C20orf96: variants seen among roughly 807,000 people sequenced by gnomAD.
C20orf96 encodes chromosome 20 open reading frame 96, also known as uncharacterized protein C20orf96.
C20orf96 carries 57 observed loss-of-function variants against 52.6 expected under a neutral mutation model. That is an observed-to-expected ratio of 1.08 (90% confidence interval 0.88 to 1.35). The LOEUF is 1.35. Among genes scored for constraint, C20orf96 ranks in the 40% most tolerant of loss-of-function variants. The probability of loss-of-function intolerance (pLI) is 0.00; values close to 1 mark genes in which losing one functional copy is unlikely to be tolerated. For missense variants in C20orf96, 478 were observed against 443.6 expected, an observed-to-expected ratio of 1.08 and a Z score of -0.70; for synonymous variants, 168 against 157.2, an observed-to-expected ratio of 1.07 and a Z score of -0.51.
chr20:272,259 T>C (rs2011865500), intron 10 of C20orf96, among the ~76,000 whole-genome samples: 2 of 152,096 alleles, frequency 1.3e-5, no homozygotes. Flanking sequence ...CCAGCCAATA[T>C]CTGTCCTCTG....
chr20:288,568 A>AG (rs1380227053), intron 3 of C20orf96, among the ~76,000 whole-genome samples: 1 of 152,144 alleles, frequency 6.6e-6, no homozygotes, highest in Admixed American at 6.5e-5. Flanking sequence ...CCCCTCCCCC[A>AG]GCCTACCTAT....
intron 4 of C20orf96, among the ~76,000 whole-genome samples, chr20:283,609 G>A (rs1436831353): frequency 6.6e-6 from 1 of 151,838 alleles, no homozygotes; most frequent in Admixed American, 6.6e-5. Flanking sequence ...CGGCCAAGTT[G>A]CTGCAAATTT....
At chr20:286,439 C>T (rs1039145987) in intron 3 of C20orf96, among the ~76,000 whole-genome samples, 6 of 151,780 alleles carry the variant, frequency 4.0e-5, no homozygotes, top group Non-Finnish European at 7.4e-5. Context: ...ATCGCTTGAA[C>T]CCGGGAGTTG....
chr20:276,734 G>A (rs748856490), intron 9 of C20orf96, 59 bp downstream of exon 9: 19 of 1,582,358 alleles, frequency 1.2e-5, no homozygotes, highest in South Asian at 4.5e-5. Flanking sequence ...CCCACAGGCC[G>A]TGGGGACTGC....
rs1600193352 is a variant in C20orf96 at position 290,510 on chromosome 20, G to A, written c.20+81C>T. On this transcript the variant is annotated intron_variant, in intron 1 of 10. Coordinates refer to ENST00000360321, the MANE Select transcript of C20orf96 (RefSeq NM_153269.3). Reference sequence around the variant, plus strand: ...AGACCGAGGGCGACCTCGAGGCGAGGGCGGGACAGCGGCGGGGTGTGAAGT... The same window carrying A: ...AGACCGAGGGCGACCTCGAGGCGAGAGCGGGACAGCGGCGGGGTGTGAAGT... 4 of 1,581,130 alleles carry A rather than the reference G, an allele frequency of 2.5e-6. No individual in the cohort carries two copies. In the East Asian group the frequency reaches 7.0e-5, roughly 28 times the overall value.
In C20orf96 at chr20:284,049, T is replaced by A; in HGVS notation, c.220A>T (p.Ser74Cys). ...FHFKPTTVVT[S>C]CQPKNPRELH... ...TCTCTTGGATTCTTCGGCTGGCAGCTTGTCACCACCGTAGTGGGCTTGAAG... is the reference window on the plus strand; with the variant it reads ...TCTCTTGGATTCTTCGGCTGGCAGCATGTCACCACCGTAGTGGGCTTGAAG... Residue 74 changes from serine (S) to cysteine (C), a missense_variant, in exon 4 of 11, where the codon AGC becomes TGC. Ser to Cys is a moderately radical substitution (Grantham distance 112). Coordinates refer to ENST00000360321, the MANE Select transcript of C20orf96 (RefSeq NM_153269.3). The A allele has an allele frequency of 6.2e-7, 1 of 1,614,092 alleles. No individual in the cohort carries two copies. Among genetic ancestry groups the A allele is most frequent in the African/African-American group, 1.3e-5 (1 of 75,016 alleles).
At chr20:273,881 A>AGAAG (rs2011917566) in intron 10 of C20orf96, among the ~76,000 whole-genome samples, 1 of 97,546 alleles carries the variant, frequency 1.0e-5, no homozygotes, top group Admixed American at 1.1e-4. Context: ...TGTCTCAAGA[A>AGAAG]GAAGGAAGGA....
At chr20:274,897 G>A (rs910221646) in intron 10 of C20orf96, among the ~76,000 whole-genome samples, 3 of 151,830 alleles carry the variant, frequency 2.0e-5, no homozygotes, top group African/African-American at 4.8e-5. Flanking sequence ...TCGGCTGACC[G>A]CAACCTCCGC....
chr20:286,596 A>G (rs913032772), intron 3 of C20orf96, among the ~76,000 whole-genome samples: 1 of 140,318 alleles, frequency 7.1e-6, no homozygotes, highest in African/African-American at 3.3e-5. Flanking sequence ...AAAGGAAAAG[A>G]AAAAGAAAAA....
At chr20:288,158 CTTTCTT>C (rs1259666441) in intron 3 of C20orf96, among the ~76,000 whole-genome samples, 4 of 89,772 alleles carry the variant, frequency 4.5e-5, no homozygotes, top group East Asian at 3.8e-4. Context: ...TAAATCATTT[CTTTCTT>C]TTTCTTTTTC....
chr20:278,556 G>A, intron 5 of C20orf96, 127 bp from the exon 6 acceptor site: 1 of 725,868 alleles, frequency 1.4e-6, no homozygotes, highest in South Asian at 1.5e-5. Context: ...AGGCTAATCG[G>A]GACAGTAACA....
At position 289,613 on chromosome 20, in the gene C20orf96, G is replaced by C. The variant is rs1307383173; in HGVS notation, c.133C>G (p.Gln45Glu). 3 of 1,614,122 alleles carry C rather than the reference G, an allele frequency of 1.9e-6. No homozygotes were observed. Among genetic ancestry groups the C allele is most frequent in the East Asian group, 2.2e-5 (1 of 44,880 alleles). ...TTGCTTGTATGAAGGCTGTTGGCTT[G>C]TTGGACTGGAGGCAGAGTAGATGGC... ...TKPSTLPPVQ[Q>E]ANSLHTSKMK... Residue 45 changes from glutamine to glutamate, a missense_variant, in exon 3 of 11, where the codon CAA becomes GAA. Transcript: ENST00000360321.
At position 287,822 on chromosome 20, in the gene C20orf96, T is replaced by C. The variant is rs1024850697; in HGVS notation, c.187+1737A>G. On this transcript the variant is annotated intron_variant, in intron 3 of 10. Coordinates refer to ENST00000360321, the MANE Select transcript of C20orf96 (RefSeq NM_153269.3). ...TACTCGGGAGGCTAAGGCAGGAGAATCGCTTGAACCCGGGAGACAGAGTTT... is the reference window on the plus strand; with the variant it reads ...TACTCGGGAGGCTAAGGCAGGAGAACCGCTTGAACCCGGGAGACAGAGTTT... Among the ~76,000 whole-genome samples, 11 of 145,416 alleles carry C rather than the reference T, an allele frequency of 7.6e-5. 1 individual carries two copies. The highest frequency in any genetic ancestry group is 3.6e-4 in the Admixed American group (5 of 13,938).
intron 3 of C20orf96, among the ~76,000 whole-genome samples, chr20:286,241 CCGT>C (rs1302301581): frequency 1.3e-5 from 2 of 152,020 alleles, no homozygotes; most frequent in Non-Finnish European, 2.9e-5. Context: ...GAGGGGCTGG[CCGT>C]GGTGGCTCAC....
chr20:272,962 A>G (rs766106384), intron 10 of C20orf96, among the ~76,000 whole-genome samples: 3 of 152,128 alleles, frequency 2.0e-5, no homozygotes, highest in African/African-American at 7.2e-5. Flanking sequence ...CTCCTTGCCA[A>G]TCTCATCCCC....
At chr20:290,451 A>G in intron 1 of C20orf96, 140 bp downstream of exon 1, 1 of 1,530,132 alleles carries the variant, frequency 6.5e-7, no homozygotes, top group African/African-American at 1.4e-5. Flanking sequence ...GGCGGGGCCA[A>G]GGAGATGTGG....
At chr20:273,376 G>T (rs2011902388) in intron 10 of C20orf96, among the ~76,000 whole-genome samples, 1 of 152,130 alleles carries the variant, frequency 6.6e-6, no homozygotes, top group South Asian at 2.1e-4. Context: ...GGCCTACAGG[G>T]CACTGCATGG....
chr20:290,516 A>G, intron 1 of C20orf96, 75 bp downstream of exon 1: 5 of 1,580,676 alleles, frequency 3.2e-6, no homozygotes, highest in Non-Finnish European at 3.4e-6. Context: ...CGAGGGCGGG[A>G]CAGCGGCGGG....
At chr20:278,961 C>CAGGAGGGA (rs767675127) in intron 5 of C20orf96, among the ~76,000 whole-genome samples, 1 of 1,962 alleles carries the variant, frequency 5.1e-4, no homozygotes, top group Non-Finnish European at 9.5e-4. Context: ...GGAGGGAGGG[C>CAGGAGGGA]GGGACGGAGG....
Sources: allele counts gnomAD v4.1 joint callset (sites outside exome capture counted in the v4.1 genomes callset), GRCh38; gene constraint gnomAD v4.1.1; transcripts MANE v1.5; gene names NCBI Gene and HGNC (gene_info 2026-07-23, HGNC 2026-07-21).